ABCA12: variants seen among roughly 807,000 people sequenced by gnomAD.
ABCA12 encodes ATP binding cassette subfamily A member 12.
A neutral mutation model predicts 293.5 loss-of-function variants in ABCA12; 156 were observed. The ratio of observed to expected loss-of-function variants is 0.53; its 90% CI spans 0.47 to 0.61. The LOEUF (loss-of-function observed/expected upper bound fraction) is 0.61, where lower values mean the gene tolerates loss of function less well. Among genes scored for constraint, ABCA12 ranks in the 20% least tolerant of loss-of-function variants. The pLI is 0.00. For missense variants in ABCA12, 2,797 were observed against 3,090.2 expected (o/e 0.91, Z 2.25); for synonymous variants, 1,063 against 1,108.0 (o/e 0.96, Z 0.81).
At chr2:214,993,819 C>T (rs1437536559) in intron 23 of ABCA12, among the ~76,000 whole-genome samples, 1 of 152,094 alleles carries the variant, frequency 6.6e-6, no homozygotes, top group Non-Finnish European at 1.5e-5. Context: ...TTCTAGAAAT[C>T]ACTTATATAT....
intron 2 of ABCA12, among the ~76,000 whole-genome samples, chr2:215,087,954 C>A (rs528586445): frequency 1.3e-5 from 2 of 152,270 alleles, no homozygotes; most frequent in East Asian, 3.9e-4. Flanking sequence ...TGTTCTAGAT[C>A]CCATTTATGC....
At chr2:215,042,267 C>T (rs1007143452) in intron 7 of ABCA12, 3 of 152,154 alleles carry the variant, frequency 2.0e-5, no homozygotes, top group Non-Finnish European at 2.9e-5. Context: ...GATAGAATCT[C>T]ATTCTGTCAC....
intron 2 of ABCA12, among the ~76,000 whole-genome samples, chr2:215,081,273 T>A (rs1049413764): frequency 6.6e-6 from 1 of 151,174 alleles, no homozygotes; most frequent in Admixed American, 6.6e-5. Flanking sequence ...AGATCAGAAG[T>A]TCGAGACCAG....
rs71399168 is a variant in ABCA12 at position 214,989,187 on chromosome 2, CATAT to C, written c.3829+138_3829+141del. On this transcript the variant is annotated intron_variant, in intron 26 of 52. Coordinates refer to ENST00000272895, the MANE Select transcript of ABCA12 (RefSeq NM_173076.3). ...GAGGGAGACTCCATCTCAATACATA[CATAT>C]ATATATATATATATATATAATATTT... 3.4e-3 allele frequency: 96 copies of C among 28,146 alleles called. 9 individuals are homozygous for C. The highest frequency in any genetic ancestry group is 0.014 in the South Asian group (4 of 292). 1.7% of individuals were successfully genotyped at this position (28,146 alleles called of 1,614,324 possible).
At chr2:215,050,351 A>AAAAAGG (rs1341621894) in intron 5 of ABCA12, among the ~76,000 whole-genome samples, 1 of 152,200 alleles carries the variant, frequency 6.6e-6, no homozygotes, top group Non-Finnish European at 1.5e-5. Context: ...ATATAGAAAG[A>AAAAAGG]AAAAGGAAAA....
At position 215,015,505 on chromosome 2, in the gene ABCA12, G is replaced by A. The variant is rs1184065920; in HGVS notation, c.1941C>T (p.Tyr647=). 6.2e-6 allele frequency: 10 copies of A among 1,613,976 alleles called. No individual in the cohort carries two copies. The African/African-American group carries it at 8.0e-5, about 13-fold the overall frequency. The change falls in exon 15 of 53, where the codon TAC becomes TAT. Residue 647 remains tyrosine, a synonymous_variant. Coordinates refer to ENST00000272895, the MANE Select transcript of ABCA12 (RefSeq NM_173076.3). ...GLTLLHYLNI[Y]NFTYKVFFPR... ...AGCAACTTGCCTTGTATGTGAAGTT[G>A]TAAATGTTTAAGTAGTGCAGAAGGG... is the stretch of plus-strand genomic sequence containing the variant.
chr2:215,010,508 G>A (rs1700348246), intron 17 of ABCA12, 38 bp from the exon 18 acceptor site: 1 of 1,606,482 alleles, frequency 6.2e-7, no homozygotes, highest in African/African-American at 1.3e-5. Context: ...TTTAATAGAT[G>A]TACTTCAAAT....
At chr2:214,980,414 C>G in intron 31 of ABCA12, 69 bp downstream of exon 31, 1 of 1,590,772 alleles carries the variant, frequency 6.3e-7, no homozygotes, top group Non-Finnish European at 8.6e-7. Flanking sequence ...GTTGGAGAGA[C>G]TCTGCTCCTA....
intron 2 of ABCA12, among the ~76,000 whole-genome samples, chr2:215,065,962 C>T (rs1701632312): frequency 2.6e-5 from 4 of 152,102 alleles, no homozygotes; most frequent in Admixed American, 2.0e-4. Context: ...CTCTTTGACA[C>T]CAGAGAGATT....
chr2:214,935,690 G>A (rs566654645), intron 51 of ABCA12, among the ~76,000 whole-genome samples: 1 of 152,204 alleles, frequency 6.6e-6, no homozygotes, highest in African/African-American at 2.4e-5. Flanking sequence ...TTGGCTACTT[G>A]TGAGGCAGAG....
Position 214,940,047 on chromosome 2 carries a change from T to C in ABCA12, c.7437-2432A>G, listed in dbSNP as rs528364899. Among the ~76,000 whole-genome samples the C allele has an allele frequency of 8.5e-5, 13 of 152,354 alleles. No individual in the cohort carries two copies. In the East Asian group the frequency reaches 2.1e-3, roughly 25 times the overall value. On this transcript the variant is annotated intron_variant, in intron 50 of 52. Transcript: ENST00000272895. ...GGGCATCCTTGTCTTGTGCTGGTTT[T>C]CAAAGGGAATACTTCCAGATTTTGT...
At chr2:215,096,804 G>A (rs1028421029) in intron 2 of ABCA12, among the ~76,000 whole-genome samples, 1 of 151,956 alleles carries the variant, frequency 6.6e-6, no homozygotes, top group Non-Finnish European at 1.5e-5. Flanking sequence ...TTATTGCCAT[G>A]GGTCATTCTT....
intron 33 of ABCA12, 119 bp downstream of exon 33, chr2:214,978,197 T>C: frequency 8.2e-7 from 1 of 1,212,746 alleles, no homozygotes. Flanking sequence ...TTCCTTAGTG[T>C]TTTTTGAATT....
rs1372931506 is a variant in ABCA12 at position 215,000,986 on chromosome 2, C to A, written c.2898G>T (p.Trp966Cys). Residue 966 changes from tryptophan (W) to cysteine (C), a missense_variant, in exon 22 of 53, where the codon TGG (tryptophan) becomes TGT (cysteine). By Grantham distance (215) the Trp-to-Cys change is radical. Coordinates refer to ENST00000272895, the MANE Select transcript of ABCA12 (RefSeq NM_173076.3). ...VIFKLPSNRSWHRGYDSGNVF... is the reference protein window; with the variant it reads ...VIFKLPSNRSCHRGYDSGNVF... Reference sequence around the variant, plus strand: ...CATTTCCAGAGTCATAGCCTCTGTGCCAGCTTCTGTTAGAAGGAAGCTTAA... The same window carrying A: ...CATTTCCAGAGTCATAGCCTCTGTGACAGCTTCTGTTAGAAGGAAGCTTAA... 1 of 1,613,974 alleles carries A rather than the reference C, an allele frequency of 6.2e-7. No homozygotes were observed. Among genetic ancestry groups the A allele is most frequent in the South Asian group, 1.1e-5 (1 of 91,080 alleles).
intron 45 of ABCA12, among the ~76,000 whole-genome samples, chr2:214,949,483 C>T (rs1244239133): frequency 6.6e-6 from 1 of 151,848 alleles, no homozygotes; most frequent in South Asian, 2.1e-4. Context: ...TCTGCTAACC[C>T]AACAAAGTAA....
intron 29 of ABCA12, among the ~76,000 whole-genome samples, chr2:214,982,891 T>A (rs551907615): frequency 4.9e-4 from 75 of 152,180 alleles, no homozygotes; most frequent in Non-Finnish European, 9.9e-4. Context: ...GAATATAAGA[T>A]AAGGAGTGGC....
intron 19 of ABCA12, among the ~76,000 whole-genome samples, chr2:215,005,626 T>C (rs1020612207): frequency 1.3e-5 from 2 of 152,182 alleles, no homozygotes; most frequent in Non-Finnish European, 2.9e-5. Flanking sequence ...AGAGCATCAC[T>C]AACAAATAAA....
At chr2:214,966,214 A>G (rs1699254413) in intron 39 of ABCA12, among the ~76,000 whole-genome samples, 1 of 152,194 alleles carries the variant, frequency 6.6e-6, no homozygotes, top group South Asian at 2.1e-4. Context: ...GGTGGGGAAC[A>G]ACACACACTG....
intron 2 of ABCA12, among the ~76,000 whole-genome samples, chr2:215,090,274 T>A (rs1277635446): frequency 6.6e-6 from 1 of 152,178 alleles, no homozygotes; most frequent in Non-Finnish European, 1.5e-5. Context: ...ACAAAGCCTG[T>A]TTGGTGGTCT....
Sources: gnomAD v4.1 joint callset for allele counts (sites outside exome capture counted in the v4.1 genomes callset) on GRCh38, gnomAD v4.1.1 for gene constraint, MANE v1.5 for transcripts, NCBI Gene and HGNC (gene_info 2026-07-23, HGNC 2026-07-21) for gene names.